The following ERBB4 variants were observed in gnomAD, a reference collection of about 807,000 sequenced individuals.
The protein encoded by ERBB4 is receptor tyrosine-protein kinase erbB-4.
Under a neutral mutation model 158.0 loss-of-function variants are expected in ERBB4, and 42 were observed. The observed-to-expected ratio is 0.27, with a 90% CI of 0.21 to 0.34. The LOEUF (loss-of-function observed/expected upper bound fraction) is 0.34. ERBB4 is among the 10% of genes least tolerant of loss of function. The probability of loss-of-function intolerance (pLI) is 1.00; values close to 1 mark genes in which losing one functional copy is unlikely to be tolerated. For missense variants in ERBB4, 1,333 were observed against 1,624.1 expected (o/e 0.82, Z 3.08); for synonymous variants, 583 against 558.7 (o/e 1.04, Z -0.61).
intron 1 of ERBB4, among the ~76,000 whole-genome samples, chr2:212,352,975 A>T (rs1447200275): frequency 2.6e-5 from 4 of 152,184 alleles, no homozygotes; most frequent in African/African-American, 9.6e-5. Context: ...AAACCAACGA[A>T]AATGAAAATG....
chr2:212,214,866 T>C (rs1317210196), intron 1 of ERBB4, among the ~76,000 whole-genome samples: 1 of 151,642 alleles, frequency 6.6e-6, no homozygotes, highest in Non-Finnish European at 1.5e-5. Context: ...TGTTTATTAA[T>C]GGCAGAAGTG....
intron 2 of ERBB4, among the ~76,000 whole-genome samples, chr2:212,089,919 G>C (rs1241438387): frequency 6.6e-6 from 1 of 152,098 alleles, no homozygotes; most frequent in African/African-American, 2.4e-5. Flanking sequence ...TCTTTGATAA[G>C]AACAAGTTGC....
At chr2:212,010,163 C>T (rs529017280) in intron 2 of ERBB4, among the ~76,000 whole-genome samples, 5 of 152,246 alleles carry the variant, frequency 3.3e-5, no homozygotes, top group African/African-American at 1.2e-4. Context: ...CCTGAGACTG[C>T]TGTTACAGGA....
At chr2:212,145,798 T>G (rs1053285814) in intron 1 of ERBB4, among the ~76,000 whole-genome samples, 1 of 152,024 alleles carries the variant, frequency 6.6e-6, no homozygotes, top group African/African-American at 2.4e-5. Flanking sequence ...TATCGTCTTA[T>G]TTTTTTCTCT....
intron 1 of ERBB4, among the ~76,000 whole-genome samples, chr2:212,341,460 T>G (rs953826904): frequency 6.6e-6 from 1 of 152,072 alleles, no homozygotes; most frequent in African/African-American, 2.4e-5. Flanking sequence ...TCTTACTATT[T>G]AACAATATTA....
intron 1 of ERBB4, among the ~76,000 whole-genome samples, chr2:212,330,625 A>G (rs1050456959): frequency 2.0e-5 from 3 of 151,916 alleles, no homozygotes; most frequent in African/African-American, 7.2e-5. Flanking sequence ...AAACAAATCA[A>G]AACAAAATAC....
At chr2:211,820,197 A>T (rs2076964230) in intron 3 of ERBB4, among the ~76,000 whole-genome samples, 1 of 151,958 alleles carries the variant, frequency 6.6e-6, no homozygotes. Context: ...ATCTAATGAA[A>T]AAGAAGTACT....
chr2:212,179,406 G>A (rs2081783277), intron 1 of ERBB4, among the ~76,000 whole-genome samples: 1 of 150,612 alleles, frequency 6.6e-6, no homozygotes, highest in Non-Finnish European at 1.5e-5. Flanking sequence ...TAAAGAATAG[G>A]CTATAGTTCT....
At chr2:211,864,234 C>T (rs1416335231) in intron 3 of ERBB4, among the ~76,000 whole-genome samples, 2 of 152,198 alleles carry the variant, frequency 1.3e-5, no homozygotes, top group Non-Finnish European at 2.9e-5. Context: ...GCTGCTGTTG[C>T]TATCTCCTCT....
At chr2:212,458,899 G>A (rs1022544797) in intron 1 of ERBB4, among the ~76,000 whole-genome samples, 9 of 152,156 alleles carry the variant, frequency 5.9e-5, no homozygotes, top group African/African-American at 1.9e-4. Context: ...TCTTGTTCAT[G>A]TTTGGACCCA....
chr2:211,823,635 T>C (rs1224606054), intron 3 of ERBB4, among the ~76,000 whole-genome samples: 1 of 152,042 alleles, frequency 6.6e-6, no homozygotes, highest in Non-Finnish European at 1.5e-5. Context: ...CCTTATGCTA[T>C]TGTGGTAAAT....
At chr2:212,504,315 A>G (rs114790052) in intron 1 of ERBB4, among the ~76,000 whole-genome samples, 1,893 of 152,208 alleles carry the variant, frequency 0.012, 42 homozygotes, top group African/African-American at 0.043. Flanking sequence ...ATTTTCTTCT[A>G]CATTAAGTCC....
At chr2:212,252,945 G>A (rs761494570) in intron 1 of ERBB4, among the ~76,000 whole-genome samples, 3 of 152,120 alleles carry the variant, frequency 2.0e-5, no homozygotes, top group Non-Finnish European at 4.4e-5. Context: ...ACATTACAAT[G>A]AGTGAGCATC....
intron 20 of ERBB4, among the ~76,000 whole-genome samples, chr2:211,434,426 G>A (rs1466616030): frequency 6.6e-6 from 1 of 152,094 alleles, no homozygotes; most frequent in East Asian, 1.9e-4. Flanking sequence ...GCTTCTTCAG[G>A]CATGTGAGGT....
At chr2:212,127,961 C>T (rs973468019) in intron 1 of ERBB4, among the ~76,000 whole-genome samples, 1 of 152,098 alleles carries the variant, frequency 6.6e-6, no homozygotes, top group African/African-American at 2.4e-5. Context: ...GAGAATAAAT[C>T]GCTATTGTTT....
chr2:212,124,896 T>A lies in ERBB4; in HGVS notation c.90A>T (p.Ala30=). ...VQPSDSQSVC[A]GTENKLSSLS... Reference sequence around the variant, plus strand: ...GAGAGCTCAGTTTATTCTCCGTTCCTGCACACACTGCAAAGACAAGAAGAT... The same window carrying A: ...GAGAGCTCAGTTTATTCTCCGTTCCAGCACACACTGCAAAGACAAGAAGAT... Residue 30 remains alanine (A), a synonymous_variant, in exon 2 of 28, where the codon GCA becomes GCT. Coordinates refer to ENST00000342788, the MANE Select transcript of ERBB4 (RefSeq NM_005235.3). The A allele has an allele frequency of 6.2e-7, 1 of 1,614,188 alleles. No homozygotes were observed. The highest frequency in any genetic ancestry group is 1.1e-5 in the South Asian group (1 of 91,090).
At chr2:212,029,527 A>C (rs2125345304) in intron 2 of ERBB4, among the ~76,000 whole-genome samples, 1 of 152,300 alleles carries the variant, frequency 6.6e-6, no homozygotes, top group Middle Eastern at 3.4e-3. Flanking sequence ...ACCATTTAAA[A>C]AAGGATTTAA....
intron 19 of ERBB4, among the ~76,000 whole-genome samples, chr2:211,579,807 G>A (rs1282996215): frequency 6.6e-6 from 1 of 150,636 alleles, no homozygotes; most frequent in East Asian, 2.0e-4. Context: ...AGGGGGTGGG[G>A]TTGGGGGAGG....
At chr2:212,403,668 T>C (rs1446891894) in intron 1 of ERBB4, among the ~76,000 whole-genome samples, 1 of 152,016 alleles carries the variant, frequency 6.6e-6, no homozygotes, top group East Asian at 1.9e-4. Context: ...TTATATGAGA[T>C]ACTAAAGTAA....
Sources: gnomAD v4.1 joint callset for allele counts (sites outside exome capture counted in the v4.1 genomes callset) on GRCh38, gnomAD v4.1.1 for gene constraint, MANE v1.5 for transcripts, NCBI Gene and HGNC (gene_info 2026-07-23, HGNC 2026-07-21) for gene names.